ZNF385D: variants seen among roughly 807,000 people sequenced by gnomAD.
The protein encoded by ZNF385D is zinc finger protein 385D.
A neutral mutation model predicts 35.8 loss-of-function variants in ZNF385D; 15 were observed. The observed-to-expected ratio is 0.42, with a 90% confidence interval of 0.28 to 0.64. The LOEUF (loss-of-function observed/expected upper bound fraction) is 0.64. ZNF385D is among the 30% of genes least tolerant of loss of function. The pLI is 0.23. For missense variants in ZNF385D, 474 were observed against 494.6 expected (o/e 0.96, Z 0.39); for synonymous variants, 212 against 186.8 (o/e 1.13, Z -1.10).
At chr3:22,249,390 G>A (rs1424270310) in intron 2 of ZNF385D, among the ~76,000 whole-genome samples, 2 of 152,086 alleles carry the variant, frequency 1.3e-5, no homozygotes, top group Non-Finnish European at 2.9e-5. Context: ...CAGAAACTCG[G>A]AAGAAATGTC....
intron 3 of ZNF385D, among the ~76,000 whole-genome samples, chr3:22,036,245 A>G (rs1698308866): frequency 6.6e-6 from 1 of 152,178 alleles, no homozygotes; most frequent in Non-Finnish European, 1.5e-5. Context: ...AACAACAGGG[A>G]AGAATACAGA....
chr3:21,924,281 G>T (rs1227743238), intron 3 of ZNF385D, among the ~76,000 whole-genome samples: 1 of 152,084 alleles, frequency 6.6e-6, no homozygotes, highest in Non-Finnish European at 1.5e-5. Context: ...AAATTCACAA[G>T]GTATTGTAAA....
chr3:22,213,613 T>C (rs1206766360), intron 2 of ZNF385D, among the ~76,000 whole-genome samples: 2 of 152,030 alleles, frequency 1.3e-5, no homozygotes, highest in South Asian at 2.1e-4. Flanking sequence ...CTTATTCTAA[T>C]GTACCACTTA....
intron 2 of ZNF385D, among the ~76,000 whole-genome samples, chr3:22,310,534 T>C (rs192214848): frequency 2.4e-4 from 37 of 152,126 alleles, no homozygotes; most frequent in African/African-American, 8.4e-4. Flanking sequence ...CATGGTTTCA[T>C]TGCTGGTTAG....
intron 2 of ZNF385D, among the ~76,000 whole-genome samples, chr3:22,208,935 T>G (rs1382200169): frequency 6.6e-6 from 1 of 151,804 alleles, no homozygotes; most frequent in African/African-American, 2.4e-5. Flanking sequence ...TTGTTGTCAG[T>G]TTTGTAATGT....
At chr3:22,086,410 C>G (rs573794244) in intron 3 of ZNF385D, among the ~76,000 whole-genome samples, 48 of 151,764 alleles carry the variant, frequency 3.2e-4, no homozygotes, top group Non-Finnish European at 2.4e-4. Flanking sequence ...ACACCAATAA[C>G]AGACAGAGAG....
intron 3 of ZNF385D, among the ~76,000 whole-genome samples, chr3:21,853,445 T>C (rs1696512107): frequency 6.6e-6 from 1 of 151,698 alleles, no homozygotes; most frequent in South Asian, 2.1e-4. Flanking sequence ...GTCATTACAA[T>C]TAGTAACAAT....
chr3:21,469,470 A>G (rs1703745380), intron 4 of ZNF385D, among the ~76,000 whole-genome samples: 1 of 152,180 alleles, frequency 6.6e-6, no homozygotes, highest in Non-Finnish European at 1.5e-5. Flanking sequence ...CCTTTTAAAA[A>G]GCTTATTCAA....
At chr3:22,116,920 T>C (rs1163408052) in intron 3 of ZNF385D, among the ~76,000 whole-genome samples, 1 of 151,978 alleles carries the variant, frequency 6.6e-6, no homozygotes, top group Non-Finnish European at 1.5e-5. Flanking sequence ...CTTTACTAAG[T>C]GTTTAGGTCA....
chr3:21,425,611 G>T lies in ZNF385D; in HGVS notation c.733C>A (p.Pro245Thr). ...CCTTTGCCTTTCACTCCTGCCCTAG[G>T]AAAGGCTTTGATAGTGCCACTTCCA... The part of the protein sequence containing the change: ...RNGSGTIKAF[P>T]RAGVKGKGPV... The change falls in exon 6 of 8, where the codon CCT becomes ACT. Residue 245 changes from proline to threonine, a missense_variant. Pro to Thr is a conservative substitution (Grantham distance 38). Coordinates refer to ENST00000281523, the MANE Select transcript of ZNF385D (RefSeq NM_024697.3). The T allele has an allele frequency of 6.2e-7, 1 of 1,605,232 alleles. No individual in the cohort carries two copies. The highest frequency in any genetic ancestry group is 1.1e-5 in the South Asian group (1 of 89,556).
intron 4 of ZNF385D, among the ~76,000 whole-genome samples, chr3:21,454,547 T>C (rs1283635713): frequency 6.6e-6 from 1 of 152,110 alleles, no homozygotes; most frequent in African/African-American, 2.4e-5. Context: ...CTTAGAAACT[T>C]TGAGTTTCCT....
intron 2 of ZNF385D, among the ~76,000 whole-genome samples, chr3:22,188,806 T>A (rs1695821793): frequency 6.6e-6 from 1 of 152,212 alleles, no homozygotes. Flanking sequence ...TCTCATGGTA[T>A]TAGGAACTTT....
At chr3:22,212,489 C>T (rs183633133) in intron 2 of ZNF385D, among the ~76,000 whole-genome samples, 4 of 152,110 alleles carry the variant, frequency 2.6e-5, no homozygotes, top group East Asian at 3.9e-4. Context: ...TTTGGAAGCA[C>T]GTTAGCAACG....
chr3:22,083,118 G>C (rs1478264670), intron 3 of ZNF385D, among the ~76,000 whole-genome samples: 1 of 152,150 alleles, frequency 6.6e-6, no homozygotes, highest in Non-Finnish European at 1.5e-5. Context: ...CACGAAGATG[G>C]GGAGAAACCA....
At chr3:21,668,963 G>GA (rs2066483846) in intron 1 of ZNF385D, among the ~76,000 whole-genome samples, 1 of 152,130 alleles carries the variant, frequency 6.6e-6, no homozygotes, top group South Asian at 2.1e-4. Context: ...CTATAGGTGA[G>GA]AAAGTTTTGT....
At chr3:21,737,456 G>C (rs1272056001) in intron 1 of ZNF385D, among the ~76,000 whole-genome samples, 1 of 109,268 alleles carries the variant, frequency 9.2e-6, no homozygotes, top group Non-Finnish European at 1.9e-5. Flanking sequence ...AAACAAGAGG[G>C]GGATATATAT....
At chr3:21,821,948 AGAGG>A (rs1389028378) in intron 3 of ZNF385D, among the ~76,000 whole-genome samples, 1 of 146,712 alleles carries the variant, frequency 6.8e-6, no homozygotes, top group Non-Finnish European at 1.5e-5. Context: ...CCTGAATGAC[AGAGG>A]AAGACCTTGT....
chr3:21,896,308 G>A (rs559108922), intron 3 of ZNF385D, among the ~76,000 whole-genome samples: 34 of 152,186 alleles, frequency 2.2e-4, no homozygotes, highest in African/African-American at 7.5e-4. Context: ...TATGTCACTC[G>A]TGGCTGCCTC....
At chr3:22,346,535 CA>C (rs765110703) in intron 2 of ZNF385D, among the ~76,000 whole-genome samples, 164 of 152,084 alleles carry the variant, frequency 1.1e-3, no homozygotes, top group Non-Finnish European at 1.1e-3. Context: ...CCCATTATAC[CA>C]AGAAGAAAAC....
Sources: gnomAD v4.1 joint callset for allele counts (sites outside exome capture counted in the v4.1 genomes callset) on GRCh38, gnomAD v4.1.1 for gene constraint, MANE v1.5 for transcripts, NCBI Gene and HGNC (gene_info 2026-07-23, HGNC 2026-07-21) for gene names.